EIF2D: variants seen among roughly 807,000 people sequenced by gnomAD.
The protein encoded by EIF2D is hepatocellular carcinoma-associated antigen 56.
In EIF2D, 56 loss-of-function variants were observed where a neutral mutation model predicts 77.4. That is an observed-to-expected ratio of 0.72 (90% CI 0.58 to 0.90). The LOEUF is 0.90. Among genes scored for constraint, EIF2D ranks in the 40% least tolerant of loss-of-function variants. The pLI, the probability that EIF2D is intolerant of heterozygous loss-of-function variation, is 0.00. For missense variants in EIF2D, 574 were observed against 706.5 expected (o/e 0.81, Z 2.13); for synonymous variants, 230 against 271.0 (o/e 0.85, Z 1.49).
At chr1:206,608,167 T>C in intron 4 of EIF2D, 69 bp downstream of exon 4, 1 of 1,459,208 alleles carries the variant, frequency 6.9e-7, no homozygotes, top group Non-Finnish European at 9.5e-7. Context: ...CTTTATAAGT[T>C]GTCATTCCCC....
Position 206,612,332 on chromosome 1 carries a change from T to C in EIF2D, c.11A>G (p.Lys4Arg). Residue 4 changes from lysine to arginine, a missense_variant, in exon 1 of 15, where the codon AAG becomes AGG. Physicochemically the swap from Lys to Arg is conservative, Grantham distance 26 (BLOSUM62 2). Transcript: ENST00000271764. The part of the protein sequence containing the change: MFA[K>R]AFRVKSNTAI... ...CGTGTTGGACTTGACCCGAAAGGCC[T>C]TGGCAAACATGTCTGCTGGGGTGGC... The C allele has an allele frequency of 1.2e-6, 2 of 1,614,242 alleles. No individual in the cohort carries two copies. The highest frequency in any genetic ancestry group is 1.7e-6 in the Non-Finnish European group (2 of 1,180,036).
chr1:206,578,068 A>AT (rs1325031650), intron 4 of EIF2D, among the ~76,000 whole-genome samples: 11 of 133,494 alleles, frequency 8.2e-5, no homozygotes, highest in African/African-American at 1.6e-4. Context: ...CTACAAAAAA[A>AT]TAAAAAAAAT....
At chr1:206,573,035 T>C (rs1668503698) in intron 4 of EIF2D, among the ~76,000 whole-genome samples, 1 of 152,244 alleles carries the variant, frequency 6.6e-6, no homozygotes, top group Admixed American at 6.5e-5. Context: ...ATGATGATGA[T>C]GGTGATGATG....
At chr1:206,602,194 T>C in intron 7 of EIF2D, 142 bp downstream of exon 7, 2 of 615,022 alleles carry the variant, frequency 3.3e-6, no homozygotes, top group South Asian at 2.1e-5. Context: ...AACTAATGTA[T>C]TTGTCAGATA....
At chr1:206,593,095 A>C (rs1247458495) in intron 14 of EIF2D, among the ~76,000 whole-genome samples, 1 of 142,220 alleles carries the variant, frequency 7.0e-6, no homozygotes, top group African/African-American at 2.8e-5. Context: ...TGGGTGACAG[A>C]GCGAGATTCT....
intron 13 of EIF2D, chr1:206,595,079 T>A (rs567180103): frequency 6.6e-6 from 1 of 152,312 alleles, no homozygotes; most frequent in Admixed American, 6.5e-5. Flanking sequence ...TGAAGTAACA[T>A]GCTCAAGGTC....
chr1:206,574,005 A>G (rs1316989484), intron 4 of EIF2D, among the ~76,000 whole-genome samples: 1 of 152,260 alleles, frequency 6.6e-6, no homozygotes, highest in Admixed American at 6.5e-5. Flanking sequence ...TTAGGGGATT[A>G]AATGAGATCA....
At chr1:206,601,928 C>G in intron 7 of EIF2D, 1 of 174,388 alleles carries the variant, frequency 5.7e-6, no homozygotes, top group Non-Finnish European at 1.2e-5. Flanking sequence ...TGTGGCCCCC[C>G]ACATACTTTT....
rs1448355009 is a variant in EIF2D at position 206,611,173 on chromosome 1, T to C, written c.247+11A>G. 6.2e-7 allele frequency: 1 copy of C among 1,604,172 alleles called. No individual in the cohort carries two copies. The highest frequency in any genetic ancestry group is 1.3e-5 in the African/African-American group (1 of 74,808). On this transcript the variant is annotated intron_variant, in intron 2 of 14. Coordinates refer to ENST00000271764, the MANE Select transcript of EIF2D (RefSeq NM_006893.3). The stretch of plus-strand genomic sequence containing the variant: ...CTAATGGTAATGGCCATCTTCGTCC[T>C]GTTGTCATACCTGTTGGATACAGAT...
At chr1:206,573,015 G>C (rs1213163911) in intron 4 of EIF2D, among the ~76,000 whole-genome samples, 1 of 152,188 alleles carries the variant, frequency 6.6e-6, no homozygotes, top group East Asian at 1.9e-4. Context: ...AGATGATGAT[G>C]ATCATGATCA....
intron 3 of EIF2D, 49 bp downstream of exon 3, chr1:206,609,327 T>C: frequency 6.4e-7 from 1 of 1,559,922 alleles, no homozygotes; most frequent in Non-Finnish European, 8.8e-7. Context: ...AGTTGGCTTT[T>C]GCTAAGTAGG....
At chr1:206,575,427 T>C (rs1668603545) in intron 4 of EIF2D, among the ~76,000 whole-genome samples, 1 of 152,000 alleles carries the variant, frequency 6.6e-6, no homozygotes, top group Non-Finnish European at 1.5e-5. Context: ...TTTTCTTGAG[T>C]TGTGTGTGTT....
chr1:206,598,754 G>A (rs1553410660), intron 11 of EIF2D, among the ~76,000 whole-genome samples: 2 of 152,194 alleles, frequency 1.3e-5, no homozygotes, highest in African/African-American at 4.8e-5. Context: ...GCCAATTAAA[G>A]ATGATTCATG....
In EIF2D at chr1:206,609,386, T is replaced by G. The variant is rs782227168; in HGVS notation, c.321A>C (p.Val107=). Residue 107 remains valine (V), a synonymous_variant, in exon 3 of 15, where the codon GTA becomes GTC. Transcript: ENST00000271764. The stretch of plus-strand genomic sequence containing the variant: ...GGAGAATCCTCTTACCTGCTCCCCC[T>G]ACCAGTTTCTCGAGCACCAGAGGCC... ...TTWPLVLEKL[V]GGADLMLPGL... is the part of the protein sequence containing the mutation. 6.2e-6 allele frequency: 10 copies of G among 1,614,072 alleles called. No individual in the cohort carries two copies. The highest frequency in any genetic ancestry group is 8.5e-6 in the Non-Finnish European group (10 of 1,180,012).
chr1:206,603,324 GA>G, intron 5 of EIF2D, 120 bp from the exon 6 acceptor site: 1 of 1,370,428 alleles, frequency 7.3e-7, no homozygotes, highest in Non-Finnish European at 9.8e-7. Flanking sequence ...GAGTGGCCAG[GA>G]GGGGGCAGAG....
intron 2 of EIF2D, chr1:206,585,132 G>A (rs370977944): frequency 6.2e-6 from 9 of 1,442,798 alleles, no homozygotes; most frequent in South Asian, 2.3e-5. Context: ...CCTGGGCCCC[G>A]CCCTTCTTTT....
intron 2 of EIF2D, among the ~76,000 whole-genome samples, chr1:206,581,692 G>A (rs1030926666): frequency 2.0e-5 from 3 of 149,410 alleles, no homozygotes; most frequent in East Asian, 1.9e-4. Flanking sequence ...AAAGGAGGAT[G>A]TCAGCTGTGC....
chr1:206,589,423 A>G (rs1553408542), downstream of EIF2D: 2 of 152,378 alleles, frequency 1.3e-5, no homozygotes, highest in Non-Finnish European at 2.9e-5. Context: ...GCTACTGTTC[A>G]AATAATTTGG....
downstream of EIF2D, chr1:206,588,422 C>T (rs1315752263): frequency 6.6e-6 from 1 of 152,466 alleles, no homozygotes; most frequent in East Asian, 1.9e-4. Flanking sequence ...AAAATTCCAA[C>T]AAGTAGCCAG....
Sources: gnomAD v4.1 joint callset for allele counts (sites outside exome capture counted in the v4.1 genomes callset) on GRCh38, gnomAD v4.1.1 for gene constraint, MANE v1.5 for transcripts, NCBI Gene and HGNC (gene_info 2026-07-23, HGNC 2026-07-21) for gene names.